Variants in PRSS12 observed in about 807,000 individuals in gnomAD.
PRSS12 encodes neurotrypsin.
In PRSS12, 85 loss-of-function variants were observed where a neutral mutation model predicts 104.4. The ratio of observed to expected loss-of-function variants is 0.81; its 90% CI spans 0.68 to 0.98. The LOEUF (loss-of-function observed/expected upper bound fraction) is 0.98, where lower values mean the gene tolerates loss of function less well. Among genes scored for constraint, PRSS12 ranks in the 50% least tolerant of loss-of-function variants. The pLI is 0.00. For synonymous variants in PRSS12, 454 were observed against 425.2 expected, an observed-to-expected ratio of 1.07 and a Z score of -0.83; for missense variants, 1,141 against 1,139.2, an observed-to-expected ratio of 1.00 and a Z score of -0.02.
At chr4:118,348,941 C>T (rs1724423729) in intron 1 of PRSS12, among the ~76,000 whole-genome samples, 1 of 152,102 alleles carries the variant, frequency 6.6e-6, no homozygotes, top group Admixed American at 6.6e-5. Context: ...CGACAGCTAC[C>T]GCGCCCAGCC....
At chr4:118,348,894 C>T (rs1013566806) in intron 1 of PRSS12, among the ~76,000 whole-genome samples, 2 of 152,144 alleles carry the variant, frequency 1.3e-5, no homozygotes, top group African/African-American at 2.4e-5. Context: ...TCAGGTGATC[C>T]ACCTGCCTCA....
At chr4:118,320,525 G>A (rs755536509) in intron 4 of PRSS12, among the ~76,000 whole-genome samples, 6 of 152,180 alleles carry the variant, frequency 3.9e-5, no homozygotes, top group Non-Finnish European at 8.8e-5. Flanking sequence ...GCCAAGGTGG[G>A]TGGACTACTT....
At chr4:118,285,065 T>A (rs959664569) in intron 11 of PRSS12, among the ~76,000 whole-genome samples, 2 of 152,210 alleles carry the variant, frequency 1.3e-5, no homozygotes, top group African/African-American at 2.4e-5. Flanking sequence ...CCATCTCGTA[T>A]ATATGATTAA....
intron 11 of PRSS12, among the ~76,000 whole-genome samples, chr4:118,288,862 G>T (rs1309699165): frequency 6.6e-6 from 1 of 152,144 alleles, no homozygotes; most frequent in Non-Finnish European, 1.5e-5. Flanking sequence ...TTGCCAACAG[G>T]CTACTGCATT....
At chr4:118,297,553 A>G (rs971545598) in intron 9 of PRSS12, among the ~76,000 whole-genome samples, 1 of 151,630 alleles carries the variant, frequency 6.6e-6, no homozygotes, top group Non-Finnish European at 1.5e-5. Context: ...ATGAATAGAA[A>G]ATAAAGTGAA....
At position 118,352,370 on chromosome 4, in the gene PRSS12, G is replaced by A; in HGVS notation, c.351C>T (p.Pro117=). 2 of 1,560,792 alleles carry A rather than the reference G, an allele frequency of 1.3e-6. No individual in the cohort carries two copies. Among genetic ancestry groups the A allele is most frequent in the Non-Finnish European group, 1.7e-6 (2 of 1,159,070 alleles). The part of the protein sequence containing the change: ...APCLRWAEVP[P]FLERSPPASW... ...TCGCTGGGGGCGACCGCTCCAGGAA[G>A]GGTGGCACCTCCGCCCACCGCAGAC... Residue 117 remains proline (P), a synonymous_variant, in exon 1 of 13, where the codon CCC becomes CCT. Transcript: ENST00000296498.
chr4:118,351,478 A>G (rs1417486028), intron 1 of PRSS12, among the ~76,000 whole-genome samples: 2 of 152,182 alleles, frequency 1.3e-5, no homozygotes, highest in Non-Finnish European at 2.9e-5. Flanking sequence ...ACATTTTGCC[A>G]CCTTTATCTC....
At chr4:118,352,126 C>T (rs1578947581) in intron 1 of PRSS12, 93 bp downstream of exon 1, 2 of 1,542,724 alleles carry the variant, frequency 1.3e-6, no homozygotes, top group East Asian at 4.7e-5. Flanking sequence ...CCACACACCC[C>T]GTCACTTTTT....
At chr4:118,328,360 A>G (rs1723833520) in intron 4 of PRSS12, among the ~76,000 whole-genome samples, 1 of 152,190 alleles carries the variant, frequency 6.6e-6, no homozygotes, top group Non-Finnish European at 1.5e-5. Context: ...TTTTCCAAAG[A>G]ATCCCCTCAT....
chr4:118,308,698 T>G, intron 7 of PRSS12, 121 bp from the exon 8 acceptor site: 1 of 1,359,560 alleles, frequency 7.4e-7, no homozygotes, highest in Non-Finnish European at 1.0e-6. Context: ...TGGGAAATAC[T>G]TTTTTGAGAG....
intron 9 of PRSS12, among the ~76,000 whole-genome samples, chr4:118,298,395 G>A (rs959232348): frequency 1.3e-5 from 2 of 151,896 alleles, no homozygotes; most frequent in African/African-American, 4.8e-5. Flanking sequence ...TCCTTTTTAT[G>A]AAGTCATTAT....
intron 5 of PRSS12, 116 bp from the exon 6 acceptor site, chr4:118,316,439 C>T (rs77544980): frequency 0.025 from 32,704 of 1,300,336 alleles, 466 homozygotes; most frequent in Non-Finnish European, 0.031. Context: ...AGGCCTTTTG[C>T]TAAACTTACA....
At chr4:118,338,452 G>A (rs1724116000) in intron 1 of PRSS12, 138 bp from the exon 2 acceptor site, 2 of 1,099,374 alleles carry the variant, frequency 1.8e-6, no homozygotes, top group Non-Finnish European at 2.7e-6. Flanking sequence ...CACTGTGTGT[G>A]GCATGTGTTT....
chr4:118,332,012 T>C lies in PRSS12; in HGVS notation c.821-146A>G, dbSNP rs182492128. The C allele has an allele frequency of 7.9e-5, 76 of 964,440 alleles. 1 individual carries two copies. In the East Asian group the frequency reaches 1.5e-3, roughly 19 times the overall value. 59.7% of individuals were successfully genotyped at this position (964,440 alleles called of 1,614,324 possible). A position where few individuals can be genotyped will look rare whatever the true frequency, so the allele number is the denominator to read the frequency against. ...AGTGATATGGACATACGTATATATA[T>C]CTAATATATTATGGTAATCTTGGCC... On this transcript the variant is annotated intron_variant, in intron 3 of 12. Transcript: ENST00000296498.
At chr4:118,342,186 G>A (rs931431760) in intron 1 of PRSS12, among the ~76,000 whole-genome samples, 1 of 152,110 alleles carries the variant, frequency 6.6e-6, no homozygotes, top group Non-Finnish European at 1.5e-5. Flanking sequence ...ATGGAGAAAG[G>A]AAAATAACCT....
At chr4:118,327,112 T>C (rs915750857) in intron 4 of PRSS12, among the ~76,000 whole-genome samples, 6 of 152,160 alleles carry the variant, frequency 3.9e-5, no homozygotes, top group African/African-American at 1.4e-4. Context: ...GTTTATACAA[T>C]GTTTTTTAAA....
intron 8 of PRSS12, among the ~76,000 whole-genome samples, chr4:118,299,260 T>C (rs954720435): frequency 6.6e-6 from 1 of 152,178 alleles, no homozygotes; most frequent in African/African-American, 2.4e-5. Flanking sequence ...CCTCTAAATT[T>C]TTTACCCTCT....
chr4:118,351,269 G>T (rs1724496118), intron 1 of PRSS12, among the ~76,000 whole-genome samples: 1 of 151,908 alleles, frequency 6.6e-6, no homozygotes, highest in African/African-American at 2.4e-5. Flanking sequence ...CCCACAGTGT[G>T]AATGGAAAGC....
intron 4 of PRSS12, among the ~76,000 whole-genome samples, chr4:118,329,104 T>A (rs1439987516): frequency 6.6e-6 from 1 of 152,126 alleles, no homozygotes; most frequent in African/African-American, 2.4e-5. Flanking sequence ...TTTAAAAAAA[T>A]TTTTTTGTAG....
Sources: allele counts gnomAD v4.1 joint callset (sites outside exome capture counted in the v4.1 genomes callset), GRCh38; gene constraint gnomAD v4.1.1; transcripts MANE v1.5; gene names NCBI Gene and HGNC (gene_info 2026-07-23, HGNC 2026-07-21).